Variants in SUMF1 observed in about 807,000 individuals in gnomAD.
SUMF1 encodes the protein sulfatase modifying factor 1, also known as formylglycine-generating enzyme.
SUMF1 carries 48 observed loss-of-function variants against 47.6 expected under a neutral mutation model. That is an observed-to-expected ratio of 1.01 (90% CI 0.80 to 1.28). The LOEUF is 1.28. Ranked by LOEUF, SUMF1 falls within the 50% of genes most tolerant of loss-of-function variation. SUMF1 has a pLI of 0.00. For synonymous variants in SUMF1, 230 were observed against 192.1 expected, an observed-to-expected ratio of 1.20 and a Z score of -1.63; for missense variants, 571 against 485.4, an observed-to-expected ratio of 1.18 and a Z score of -1.66.
At chr3:4,176,537 A>G (rs1280101694) in intron 8 of SUMF1, among the ~76,000 whole-genome samples, 1 of 152,200 alleles carries the variant, frequency 6.6e-6, no homozygotes, top group Non-Finnish European at 1.5e-5. Flanking sequence ...TGCTGAAGGA[A>G]GCACTAAACA....
chr3:4,369,238 G>A (rs1256104455), intron 8 of SUMF1, among the ~76,000 whole-genome samples: 1 of 152,116 alleles, frequency 6.6e-6, no homozygotes, highest in Non-Finnish European at 1.5e-5. Context: ...TGTGGTCAGT[G>A]AATAATATAA....
At chr3:4,332,611 T>C (rs1699071628) in intron 8 of SUMF1, among the ~76,000 whole-genome samples, 2 of 152,188 alleles carry the variant, frequency 1.3e-5, no homozygotes, top group Non-Finnish European at 2.9e-5. Flanking sequence ...AAGATGTTTC[T>C]TTTACAAAGG....
At position 4,178,144 on chromosome 3, in the gene SUMF1, C is replaced by A. The variant is rs139128401; in HGVS notation, c.1015-109399G>T. Among the ~76,000 whole-genome samples, 1,025 of 152,266 alleles carry A rather than the reference C, an allele frequency of 6.7e-3. 11 individuals are homozygous for A. Among genetic ancestry groups the A allele is most frequent in the African/African-American group, 0.023 (971 of 41,564 alleles). On this transcript the variant is annotated intron_variant and NMD_transcript_variant, in intron 8 of 12. Coordinates refer to the SUMF1 transcript ENST00000448413. ...GGAGTTAGTACCATTTCTTCTGGAA[C>A]TATTCCAATCAATAGAAAAAGAGGG... is the stretch of plus-strand genomic sequence containing the variant.
chr3:4,374,847 TG>T (rs1700274858), intron 8 of SUMF1, among the ~76,000 whole-genome samples: 1 of 152,138 alleles, frequency 6.6e-6, no homozygotes, highest in African/African-American at 2.4e-5. Flanking sequence ...CCTGGGACAA[TG>T]CTTTTAATTT....
chr3:4,042,817 G>C (rs993147925), intron 9 of SUMF1, among the ~76,000 whole-genome samples: 1 of 152,058 alleles, frequency 6.6e-6, no homozygotes, highest in Admixed American at 6.6e-5. Flanking sequence ...ATGGGTTGCG[G>C]GGGAGAAACA....
chr3:4,116,732 G>A (rs1325219895), intron 8 of SUMF1, among the ~76,000 whole-genome samples: 1 of 152,032 alleles, frequency 6.6e-6, no homozygotes, highest in Non-Finnish European at 1.5e-5. Flanking sequence ...GGTATCTTCA[G>A]TATAGGGTAT....
intron 8 of SUMF1, among the ~76,000 whole-genome samples, chr3:4,319,240 C>G (rs1415660100): frequency 6.6e-6 from 1 of 152,196 alleles, no homozygotes; most frequent in Non-Finnish European, 1.5e-5. Context: ...ATTGATCCAG[C>G]AATCATGCTC....
At chr3:4,379,257 G>A (rs1575153365) in intron 7 of SUMF1, among the ~76,000 whole-genome samples, 1 of 152,184 alleles carries the variant, frequency 6.6e-6, no homozygotes, top group African/African-American at 2.4e-5. Flanking sequence ...TCGGAAATAG[G>A]AACTTTGCAG....
chr3:4,045,248 G>C (rs142080762), intron 9 of SUMF1, among the ~76,000 whole-genome samples: 1 of 152,034 alleles, frequency 6.6e-6, no homozygotes, highest in East Asian at 1.9e-4. Context: ...AAGAAGTTCT[G>C]CCTGTGTCTT....
chr3:4,123,251 A>G lies in SUMF1; in HGVS notation c.1015-54506T>C, dbSNP rs200629401. Among the ~76,000 whole-genome samples the G allele has an allele frequency of 3.3e-5, 5 of 152,200 alleles. No individual in the cohort carries two copies. The East Asian group carries it at 9.8e-4, about 30-fold the overall frequency. On this transcript the variant is annotated intron_variant and NMD_transcript_variant, in intron 8 of 12. Coordinates refer to the SUMF1 transcript ENST00000448413. ...AGTTGAGAACTAAATCTTCAGCATG[A>G]GGACCGGTGTGTGGGAGTGATACCA...
At chr3:4,211,102 C>CAATATATATATA (rs1695772198) in intron 8 of SUMF1, among the ~76,000 whole-genome samples, 1 of 38,806 alleles carries the variant, frequency 2.6e-5, no homozygotes, top group Non-Finnish European at 5.2e-5. Context: ...TAATAAACTC[C>CAATATATATATA]CATATATATA....
chr3:4,146,238 G>A (rs748905637), intron 8 of SUMF1, among the ~76,000 whole-genome samples: 1 of 152,064 alleles, frequency 6.6e-6, no homozygotes, highest in African/African-American at 2.4e-5. Context: ...AAGGCAGAGA[G>A]GGAAGGCAAT....
intron 8 of SUMF1, among the ~76,000 whole-genome samples, chr3:4,071,344 C>T (rs1695520381): frequency 6.6e-6 from 1 of 152,154 alleles, no homozygotes; most frequent in South Asian, 2.1e-4. Flanking sequence ...CAGGGTGGGG[C>T]ATCGCCTCAC....
intron 8 of SUMF1, among the ~76,000 whole-genome samples, chr3:4,364,648 A>T (rs1444132947): frequency 2.0e-5 from 3 of 150,188 alleles, no homozygotes; most frequent in Admixed American, 6.6e-5. Context: ...GCGGTCTATC[A>T]ATTTTGTTGA....
intron 8 of SUMF1, among the ~76,000 whole-genome samples, chr3:4,319,643 C>T (rs1237222033): frequency 1.3e-5 from 2 of 152,192 alleles, no homozygotes; most frequent in African/African-American, 2.4e-5. Context: ...TTCTATGGGA[C>T]AGTTGGAACA....
At chr3:4,390,040 G>C (rs185008704) in intron 7 of SUMF1, among the ~76,000 whole-genome samples, 1 of 152,122 alleles carries the variant, frequency 6.6e-6, no homozygotes, top group Non-Finnish European at 1.5e-5. Flanking sequence ...CAACTTAAAC[G>C]TGGACATGTT....
intron 8 of SUMF1, among the ~76,000 whole-genome samples, chr3:4,340,376 G>C (rs1699246069): frequency 6.6e-6 from 1 of 152,128 alleles, no homozygotes; most frequent in Non-Finnish European, 1.5e-5. Flanking sequence ...GTCTTTTCCT[G>C]AGCTGCATCC....
chr3:4,302,062 G>A, intron 8 of SUMF1, among the ~76,000 whole-genome samples: 1 of 152,300 alleles, frequency 6.6e-6, no homozygotes, highest in East Asian at 1.9e-4. Flanking sequence ...ACACATTTAG[G>A]CCAATGGGAC....
At chr3:4,381,067 T>A (rs1036687785) in intron 7 of SUMF1, among the ~76,000 whole-genome samples, 1 of 152,146 alleles carries the variant, frequency 6.6e-6, no homozygotes, top group African/African-American at 2.4e-5. Context: ...GCACTCTGTG[T>A]AGTCAAGAGA....
Sources: gnomAD v4.1 joint callset for allele counts (sites outside exome capture counted in the v4.1 genomes callset) on GRCh38, gnomAD v4.1.1 for gene constraint, MANE v1.5 for transcripts, NCBI Gene and HGNC (gene_info 2026-07-23, HGNC 2026-07-21) for gene names.